Variants in ANKRD30A observed in about 807,000 individuals in gnomAD.
ANKRD30A encodes the protein ankyrin repeat domain 30A, also known as ankyrin repeat domain-containing protein 30A.
A neutral mutation model predicts 166.3 loss-of-function variants in ANKRD30A; 170 were observed. The observed-to-expected ratio is 1.02, with a 90% CI of 0.90 to 1.16. The LOEUF (loss-of-function observed/expected upper bound fraction) is 1.16. Among genes scored for constraint, ANKRD30A ranks in the 50% most tolerant of loss-of-function variants. The pLI is 0.00. For synonymous variants in ANKRD30A, 564 were observed against 508.9 expected, an observed-to-expected ratio of 1.11 and a Z score of -1.46; for missense variants, 1,630 against 1,518.0, an observed-to-expected ratio of 1.07 and a Z score of -1.23.
intron 31 of ANKRD30A, among the ~76,000 whole-genome samples, chr10:37,213,253 G>T (rs559077138): frequency 1.3e-5 from 2 of 151,990 alleles, no homozygotes; most frequent in East Asian, 3.9e-4. Flanking sequence ...GGTATCATCA[G>T]ATTTGATGTC....
At chr10:37,264,184 T>C in the ANKRD30A span, among the ~76,000 whole-genome samples, 28 of 152,184 alleles carry the variant, frequency 1.8e-4, no homozygotes, top group Non-Finnish European at 3.4e-4. Context: ...TCTCACCAGA[T>C]TAATGAATCC....
At chr10:37,232,906 AAC>A (rs1491568993), downstream of ANKRD30A, among the ~76,000 whole-genome samples, 5 of 149,250 alleles carry the variant, frequency 3.4e-5, no homozygotes, top group South Asian at 2.1e-4. Flanking sequence ...AAAAAAAAAA[AAC>A]AAAATAAATT....
intron 27 of ANKRD30A, among the ~76,000 whole-genome samples, chr10:37,196,132 C>T (rs1198103250): frequency 4.5e-5 from 6 of 132,192 alleles, no homozygotes; most frequent in African/African-American, 1.8e-4. Flanking sequence ...GCATTCTAGG[C>T]AGGTAACAGG....
At chr10:37,208,527 C>T (rs1842111420) in intron 31 of ANKRD30A, among the ~76,000 whole-genome samples, 1 of 152,084 alleles carries the variant, frequency 6.6e-6, no homozygotes, top group Non-Finnish European at 1.5e-5. Context: ...ACAAAATTTG[C>T]TGACTCAAGT....
At chr10:37,233,912 TATCTA>T (rs1302613698), downstream of ANKRD30A, among the ~76,000 whole-genome samples, 4 of 152,168 alleles carry the variant, frequency 2.6e-5, no homozygotes, top group South Asian at 8.3e-4. Flanking sequence ...AATGTTAAAA[TATCTA>T]ATCTAACATA....
intron 13 of ANKRD30A, among the ~76,000 whole-genome samples, chr10:37,156,512 T>A (rs1249897815): frequency 6.6e-6 from 1 of 152,200 alleles, no homozygotes; most frequent in Non-Finnish European, 1.5e-5. Flanking sequence ...AAGTGATAAA[T>A]GGTTCCTTGA....
At chr10:37,217,281 C>T (rs1184790377) in intron 32 of ANKRD30A, among the ~76,000 whole-genome samples, 1 of 150,894 alleles carries the variant, frequency 6.6e-6, no homozygotes, top group East Asian at 1.9e-4. Flanking sequence ...TCTAACAGAT[C>T]TGTAAACTTG....
chr10:37,138,378 A>G (rs1836862122), intron 6 of ANKRD30A, among the ~76,000 whole-genome samples: 1 of 152,216 alleles, frequency 6.6e-6, no homozygotes, highest in African/African-American at 2.4e-5. Flanking sequence ...GCTGATGGAG[A>G]ATGACTTTGG....
intron 34 of ANKRD30A, among the ~76,000 whole-genome samples, chr10:37,223,496 G>A (rs1044868457): frequency 6.6e-6 from 1 of 151,266 alleles, no homozygotes; most frequent in African/African-American, 2.4e-5. Context: ...ACAATGCTTT[G>A]AGGGCATCTT....
intron 31 of ANKRD30A, among the ~76,000 whole-genome samples, chr10:37,209,543 A>G (rs1006637698): frequency 6.6e-6 from 1 of 152,146 alleles, no homozygotes; most frequent in Non-Finnish European, 1.5e-5. Context: ...TTCCCTCATG[A>G]TGCATTCACC....
At chr10:37,178,106 T>A (rs920290854) in intron 24 of ANKRD30A, among the ~76,000 whole-genome samples, 2 of 151,294 alleles carry the variant, frequency 1.3e-5, no homozygotes, top group African/African-American at 4.8e-5. Flanking sequence ...TAATGGAGGA[T>A]GATAAAATGA....
At position 37,153,434 on chromosome 10, in the gene ANKRD30A, T is replaced by C. The variant is rs17590343; in HGVS notation, c.1708-138T>C. The C allele has an allele frequency of 1.2e-5, 16 of 1,288,542 alleles. No individual in the cohort carries two copies. In the East Asian group the frequency reaches 1.8e-4, roughly 14 times the overall value. The allele number at this position is 1,288,542 out of a possible 1,614,324, so 79.8% of individuals were successfully genotyped here. On this transcript the variant is annotated intron_variant, in intron 12 of 35. Coordinates refer to ENST00000361713, the MANE Select transcript of ANKRD30A (RefSeq NM_052997.3). Reference sequence around the variant, plus strand: ...TCTATCAAAATGTGTTGGTTTTCTATATGTATCTGCACTTAAGTCGAATTG... The same window carrying C: ...TCTATCAAAATGTGTTGGTTTTCTACATGTATCTGCACTTAAGTCGAATTG...
In ANKRD30A at chr10:37,125,723, T is replaced by TG. The variant is rs1423458752; in HGVS notation, c.-59dup. The TG allele has an allele frequency of 1.5e-5, 6 of 404,372 alleles. No individual in the cohort carries two copies. The highest frequency in any genetic ancestry group is 5.0e-5 in the African/African-American group (1 of 19,904). 25.0% of individuals were successfully genotyped at this position (404,372 alleles called of 1,614,324 possible). Reference sequence around the variant, plus strand: ...AAGGGCGAGGGCGATTGGGGAGGGGTGGGGGGTGGTGGCTGGGAAGGGCGA... The same window carrying TG: ...AAGGGCGAGGGCGATTGGGGAGGGGTGGGGGGGTGGTGGCTGGGAAGGGCGA... On this transcript the variant is annotated 5_prime_UTR_variant, in exon 1 of 36. Coordinates refer to ENST00000361713, the MANE Select transcript of ANKRD30A (RefSeq NM_052997.3).
intron 1 of ANKRD30A, among the ~76,000 whole-genome samples, chr10:37,128,468 T>C (rs1836180075): frequency 6.6e-6 from 1 of 151,994 alleles, no homozygotes; most frequent in Non-Finnish European, 1.5e-5. Flanking sequence ...ATGTACATTT[T>C]ATTAGACACA....
the ANKRD30A span, among the ~76,000 whole-genome samples, chr10:37,263,657 G>T: frequency 1.3e-5 from 2 of 152,144 alleles, no homozygotes; most frequent in Admixed American, 6.5e-5. Context: ...CAGAGCTTCA[G>T]GTGGGAATGC....
At chr10:37,232,674 A>G (rs1843474593), downstream of ANKRD30A, 3 of 7,244 alleles carry the variant, frequency 4.1e-4, 1 homozygote, top group African/African-American at 5.5e-4. Flanking sequence ...ATATATATAT[A>G]TATATATATA....
chr10:37,162,909 C>A (rs1162583970), intron 17 of ANKRD30A, 61 bp downstream of exon 17: 4 of 1,569,034 alleles, frequency 2.5e-6, no homozygotes, highest in East Asian at 2.2e-5. Flanking sequence ...TTTTGATGGT[C>A]TTTCTGTACC....
At chr10:37,126,177 C>A (rs1481222462) in intron 1 of ANKRD30A, among the ~76,000 whole-genome samples, 169 bp downstream of exon 1, 2 of 152,164 alleles carry the variant, frequency 1.3e-5, no homozygotes, top group South Asian at 4.1e-4. Context: ...TCTTCCTGGG[C>A]AGGCCCCCAG....
chr10:37,256,762 T>C, the ANKRD30A span, among the ~76,000 whole-genome samples: 1 of 152,248 alleles, frequency 6.6e-6, no homozygotes, highest in Non-Finnish European at 1.5e-5. Context: ...ATATGGTGGA[T>C]AAGCTTTTGG....
Sources: allele counts gnomAD v4.1 joint callset (sites outside exome capture counted in the v4.1 genomes callset), GRCh38; gene constraint gnomAD v4.1.1; transcripts MANE v1.5; gene names NCBI Gene and HGNC (gene_info 2026-07-23, HGNC 2026-07-21).